The following PSG9 variants were observed in gnomAD, a reference collection of about 807,000 sequenced individuals.
PSG9 encodes the protein pregnancy-specific beta-1-glycoprotein 9.
In PSG9, 49 loss-of-function variants were observed where a neutral mutation model predicts 41.9. The observed-to-expected ratio is 1.17, with a 90% CI of 0.93 to 1.48. PSG9 has a LOEUF of 1.48. Ranked by LOEUF, PSG9 falls within the 40% of genes most tolerant of loss-of-function variation. PSG9 has a pLI of 0.00. For missense variants in PSG9, 641 were observed against 520.3 expected (o/e 1.23, Z -2.26); for synonymous variants, 263 against 196.8 (o/e 1.34, Z -2.82).
intron 3 of PSG9, chr19:43,260,387 T>C (rs999988121): frequency 6.8e-6 from 1 of 147,356 alleles, no homozygotes; most frequent in African/African-American, 2.6e-5. Flanking sequence ...TGGTTTAGCA[T>C]CCCAAATCTG....
chr19:43,258,556 C>A lies in PSG9; in HGVS notation c.989-100G>T, dbSNP rs923823150. The A allele has an allele frequency of 1.2e-5, 18 of 1,474,676 alleles. 1 individual carries two copies. Among genetic ancestry groups the A allele is most frequent in the Non-Finnish European group, 1.4e-5 (16 of 1,114,976 alleles). The allele number at this position is 1,474,676 out of a possible 1,614,324, so 91.3% of individuals were successfully genotyped here. On this transcript the variant is annotated intron_variant, in intron 4 of 5. Transcript: ENST00000270077. ...CAGTGACCCTCTGAGCCAAGACACACCCTCAAGTCCCAGCCAAAGTCCCTC... is the reference window on the plus strand; with the variant it reads ...CAGTGACCCTCTGAGCCAAGACACAACCTCAAGTCCCAGCCAAAGTCCCTC...
At chr19:43,256,830 G>A (rs1033709415) in intron 5 of PSG9, among the ~76,000 whole-genome samples, 1 of 146,866 alleles carries the variant, frequency 6.8e-6, no homozygotes, top group Admixed American at 6.8e-5. Flanking sequence ...ATTACCATTT[G>A]ATCCAGCAAT....
intron 3 of PSG9, chr19:43,260,810 A>G (rs1045445019): frequency 7.2e-5 from 11 of 152,134 alleles, no homozygotes; most frequent in Non-Finnish European, 1.5e-4. Context: ...CTTTCTAACA[A>G]TATTGATTCT....
chr19:43,268,267 C>CACAA, intron 1 of PSG9, 118 bp from the exon 2 acceptor site: 1 of 1,381,084 alleles, frequency 7.2e-7, no homozygotes, highest in Non-Finnish European at 9.9e-7. Flanking sequence ...CACACACGCA[C>CACAA]ACATACAAAC....
Position 43,258,787 on chromosome 19 carries a change from A to C in PSG9, c.988+70T>G. On this transcript the variant is annotated intron_variant, in intron 4 of 5. Transcript: ENST00000270077. ...CTATACTTGGACCGGAGAGAGACTG[A>C]GAGGCCTGGCATCTGGTCGTTTGGA... 6 of 1,558,856 alleles carry C rather than the reference A, an allele frequency of 3.8e-6. 1 individual carries two copies. The highest frequency in any genetic ancestry group is 5.2e-6 in the Non-Finnish European group (6 of 1,155,484).
chr19:43,268,830 GTTA>G (rs1005803014), intron 1 of PSG9, among the ~76,000 whole-genome samples: 2 of 152,110 alleles, frequency 1.3e-5, no homozygotes, highest in East Asian at 1.9e-4. Context: ...ATCTGATATA[GTTA>G]TTATTATCAT....
chr19:43,261,513 T>A (rs1026760249), intron 3 of PSG9, among the ~76,000 whole-genome samples: 3 of 152,004 alleles, frequency 2.0e-5, no homozygotes, highest in Non-Finnish European at 4.4e-5. Context: ...GAAGGGAAAA[T>A]CCTGGTCTGT....
In PSG9 at chr19:43,268,000, T is replaced by C. The variant is rs191161761; in HGVS notation, c.214A>G (p.Met72Val). The C allele has an allele frequency of 2.7e-5, 43 of 1,613,882 alleles. No individual in the cohort carries two copies. Among genetic ancestry groups the C allele is most frequent in the South Asian group, 2.3e-4 (21 of 91,076 alleles). The change falls in exon 2 of 6, where the codon ATG becomes GTG. Residue 72 changes from methionine (M) to valine (V), a missense_variant. Coordinates refer to ENST00000270077, the MANE Select transcript of PSG9 (RefSeq NM_002784.5). ...LPGYFWYKGE[M>V]TDLYHYIISY... ...ATAATGTAATGGTAGAGGTCCGTCA[T>C]TTCCCCTTTGTACCAGAAGTAGCCA...
chr19:43,265,483 T>A (rs1174179961), intron 2 of PSG9, among the ~76,000 whole-genome samples: 1 of 152,112 alleles, frequency 6.6e-6, no homozygotes, highest in East Asian at 1.9e-4. Flanking sequence ...GGAGGCAGAT[T>A]CAAGCACAAA....
Position 43,258,246 on chromosome 19 carries a change from G to A in PSG9, c.1199C>T (p.Ala400Val). Residue 400 changes from alanine to valine, a missense_variant, in exon 5 of 6, where the codon GCC (alanine) becomes GTC (valine). Coordinates refer to ENST00000270077, the MANE Select transcript of PSG9 (RefSeq NM_002784.5). ...GLYACSVHNS[A>V]TGKEISKSMT... The stretch of plus-strand genomic sequence containing the variant: ...GGATTTGGAGATTTCCTTGCCAGTG[G>A]CTGAGTTATGAACAGAGCAAGCATA... 1 of 1,592,914 alleles carries A rather than the reference G, an allele frequency of 6.3e-7. No individual in the cohort carries two copies. The highest frequency in any genetic ancestry group is 8.5e-7 in the Non-Finnish European group (1 of 1,174,544).
intron 3 of PSG9, chr19:43,259,462 T>G (rs1182785744): frequency 2.8e-6 from 1 of 354,960 alleles, no homozygotes; most frequent in Non-Finnish European, 4.8e-6. Flanking sequence ...TGGCTCACCT[T>G]GGGTTCCTTA....
In PSG9 at chr19:43,255,412, G is replaced by A. The variant is rs533327025; in HGVS notation, c.1244-1766C>T. Among the ~76,000 whole-genome samples the A allele has an allele frequency of 4.5e-4, 66 of 146,556 alleles. 5 individuals carry two copies. In the South Asian group the frequency reaches 0.014, roughly 30 times the overall value. ...ACCCAATGCTAGCATCATACTCAAT[G>A]GAGAAAGACTGAAAGCTTTCCCTGT... On this transcript the variant is annotated intron_variant, in intron 5 of 5. Coordinates refer to ENST00000270077, the MANE Select transcript of PSG9 (RefSeq NM_002784.5).
At chr19:43,266,149 A>T in intron 2 of PSG9, among the ~76,000 whole-genome samples, 1 of 151,822 alleles carries the variant, frequency 6.6e-6, no homozygotes, top group Non-Finnish European at 1.5e-5. Context: ...GGAGACACTG[A>T]CTTCAGAGAC....
At position 43,261,892 on chromosome 19, in the gene PSG9, C is replaced by G. The variant is rs115363320; in HGVS notation, c.677G>C (p.Ser226Thr). 1 of 1,614,056 alleles carries G rather than the reference C, an allele frequency of 6.2e-7. No homozygotes were observed. The highest frequency in any genetic ancestry group is 1.1e-5 in the South Asian group (1 of 91,074). The change falls in exon 3 of 6, where the codon AGT (serine) becomes ACT (threonine). Residue 226 changes from serine to threonine, a missense_variant. Coordinates refer to ENST00000270077, the MANE Select transcript of PSG9 (RefSeq NM_002784.5). ...ATTCAGGGTGACTGGGTCACTGCGA[C>G]TGGCACTCACTGGGTTCCGTATTTC... ...ECEIRNPVSA[S>T]RSDPVTLNLL...
chr19:43,258,619 T>C (rs947832197), intron 4 of PSG9, among the ~76,000 whole-genome samples, 163 bp from the exon 5 acceptor site: 4 of 146,242 alleles, frequency 2.7e-5, no homozygotes, highest in African/African-American at 1.0e-4. Context: ...ATTCACCTGT[T>C]TCTCCCATCA....
In PSG9 at chr19:43,258,372, G is replaced by C. The variant is rs1373009009; in HGVS notation, c.1073C>G (p.Ser358Cys). 9 of 1,593,078 alleles carry C rather than the reference G, an allele frequency of 5.6e-6. 1 individual carries two copies. The highest frequency in any genetic ancestry group is 7.7e-6 in the Non-Finnish European group (9 of 1,174,564). Residue 358 changes from serine (S) to cysteine (C), a missense_variant, in exon 5 of 6, where the codon TCT becomes TGT. Coordinates refer to ENST00000270077, the MANE Select transcript of PSG9 (RefSeq NM_002784.5). ...CCAAAAATACTCTGCCGGTGGGTTAGATTCCGTGAAGCAGGACAAGTCGAG... is the reference window on the plus strand; with the variant it reads ...CCAAAAATACTCTGCCGGTGGGTTACATTCCGTGAAGCAGGACAAGTCGAG... Reference protein sequence around the residue: ...ENLDLSCFTESNPPAEYFWTI... With the variant: ...ENLDLSCFTECNPPAEYFWTI...
chr19:43,254,261 A>G (rs528488025), intron 5 of PSG9, among the ~76,000 whole-genome samples: 6 of 146,442 alleles, frequency 4.1e-5, no homozygotes, highest in East Asian at 2.4e-4. Flanking sequence ...GAAGCTTAGC[A>G]TGGTGTAAAA....
rs139152133 is a variant in PSG9, at chr19:43,261,245, C to G, written c.709+615G>C. ...CCTCTTGATTATGAGATTTGTTCCA[C>G]CAGTGGCTGAGTTATGGATGAAACA... On this transcript the variant is annotated intron_variant, in intron 3 of 5. Transcript: ENST00000270077. Among the ~76,000 whole-genome samples the G allele has an allele frequency of 8.6e-3, 1,300 of 150,586 alleles. 20 individuals carry two copies. The highest frequency in any genetic ancestry group is 0.013 in the Admixed American group (198 of 15,090).
chr19:43,253,570 A>G lies in PSG9; in HGVS notation c.*39T>C, dbSNP rs779065059. ...TCTTTGTCTTGAATTTCATGAAGGT[A>G]TCAGCCTGTTCTTTTTCTCAGTGTC... On this transcript the variant is annotated 3_prime_UTR_variant, in exon 6 of 6. Transcript: ENST00000270077. The G allele has an allele frequency of 2.3e-4, 167 of 719,532 alleles. 14 individuals carry two copies. The highest frequency in any genetic ancestry group is 1.2e-5 in the Non-Finnish European group (5 of 404,834). 44.6% of individuals were successfully genotyped at this position (719,532 alleles called of 1,614,324 possible). A position where few individuals can be genotyped will look rare whatever the true frequency, so the allele number is the denominator to read the frequency against.
Sources: gnomAD v4.1 joint callset for allele counts (sites outside exome capture counted in the v4.1 genomes callset) on GRCh38, gnomAD v4.1.1 for gene constraint, MANE v1.5 for transcripts, NCBI Gene and HGNC (gene_info 2026-07-23, HGNC 2026-07-21) for gene names.